COG5: variants seen among roughly 807,000 people sequenced by gnomAD.
The protein encoded by COG5 is component of oligomeric golgi complex 5.
COG5 carries 86 observed loss-of-function variants against 110.4 expected under a neutral mutation model. That is an observed-to-expected ratio of 0.78 (90% CI 0.65 to 0.93). The LOEUF is 0.93. COG5 is among the 40% of genes least tolerant of loss of function. COG5 has a pLI of 0.00. For synonymous variants in COG5, 360 were observed against 334.6 expected (o/e 1.08, Z -0.83); for missense variants, 1,077 against 987.0 (o/e 1.09, Z -1.22).
chr7:107,541,423 G>A (rs1426810874), intron 5 of COG5, among the ~76,000 whole-genome samples: 1 of 143,436 alleles, frequency 7.0e-6, no homozygotes, highest in Non-Finnish European at 1.5e-5. Context: ...CTTGGGCCTG[G>A]GAGGAAGAGA....
chr7:107,451,779 T>C (rs1795357095), intron 6 of COG5, among the ~76,000 whole-genome samples: 1 of 152,222 alleles, frequency 6.6e-6, no homozygotes, highest in Admixed American at 6.5e-5. Context: ...TAGCTTATTT[T>C]ACTGTAAGAA....
chr7:107,410,266 T>C (rs921582501), intron 7 of COG5, among the ~76,000 whole-genome samples: 1 of 152,156 alleles, frequency 6.6e-6, no homozygotes, highest in Non-Finnish European at 1.5e-5. Flanking sequence ...TTCTGATGCA[T>C]GGTGAAGTTT....
intron 6 of COG5, among the ~76,000 whole-genome samples, chr7:107,414,008 G>A (rs967016277): frequency 6.6e-6 from 1 of 152,014 alleles, no homozygotes; most frequent in African/African-American, 2.4e-5. Flanking sequence ...ATAATCCCAG[G>A]CCTCAAAAGA....
intron 6 of COG5, among the ~76,000 whole-genome samples, chr7:107,448,431 A>G (rs1282291917): frequency 1.3e-5 from 2 of 152,092 alleles, no homozygotes; most frequent in Non-Finnish European, 2.9e-5. Context: ...TCATCCTTAA[A>G]ACACCATGCT....
chr7:107,554,459 G>C, intron 2 of COG5, 117 bp from the exon 3 acceptor site: 104 of 854,448 alleles, frequency 1.2e-4, no homozygotes, highest in Non-Finnish European at 8.3e-5. Flanking sequence ...AAATACAAAA[G>C]AAAAAACCAC....
At chr7:107,359,363 C>A (rs1410469166) in intron 10 of COG5, among the ~76,000 whole-genome samples, 1 of 152,194 alleles carries the variant, frequency 6.6e-6, no homozygotes, top group Non-Finnish European at 1.5e-5. Flanking sequence ...CTTTGGACAC[C>A]AACAAGCATG....
At chr7:107,362,188 A>G (rs1277781637) in intron 9 of COG5, 78 bp from the exon 10 acceptor site, 1 of 1,325,972 alleles carries the variant, frequency 7.5e-7, no homozygotes, top group Non-Finnish European at 1.1e-6. Flanking sequence ...GTACATTATC[A>G]TCAGCTAGTG....
intron 6 of COG5, among the ~76,000 whole-genome samples, chr7:107,427,173 T>C (rs1341593687): frequency 2.0e-5 from 3 of 152,194 alleles, no homozygotes; most frequent in Admixed American, 2.0e-4. Context: ...GCTATATAGA[T>C]AGACCACACT....
intron 8 of COG5, among the ~76,000 whole-genome samples, chr7:107,363,227 T>C (rs1813282534): frequency 6.6e-6 from 1 of 152,218 alleles, no homozygotes; most frequent in Admixed American, 6.5e-5. Context: ...TTTTGATTTC[T>C]AAGACCATTC....
chr7:107,526,321 G>T (rs947258684), intron 6 of COG5, among the ~76,000 whole-genome samples: 2 of 152,094 alleles, frequency 1.3e-5, no homozygotes, highest in Non-Finnish European at 2.9e-5. Context: ...CATTAAAAGT[G>T]TTGGGCAGTT....
At chr7:107,351,691 C>G (rs1336711560) in intron 10 of COG5, among the ~76,000 whole-genome samples, 1 of 151,968 alleles carries the variant, frequency 6.6e-6, no homozygotes, top group Non-Finnish European at 1.5e-5. Context: ...ATTTATGCAG[C>G]CAAAAGACAC....
chr7:107,257,666 G>C (rs893292245), intron 15 of COG5, among the ~76,000 whole-genome samples: 7 of 152,102 alleles, frequency 4.6e-5, no homozygotes, highest in Non-Finnish European at 1.0e-4. Flanking sequence ...AGATGGACTT[G>C]AAAGTGTTGC....
At chr7:107,466,118 T>C (rs1463526094) in intron 6 of COG5, among the ~76,000 whole-genome samples, 1 of 152,106 alleles carries the variant, frequency 6.6e-6, no homozygotes, top group Non-Finnish European at 1.5e-5. Context: ...ATTTGTGTAG[T>C]TCCTTGATGA....
intron 12 of COG5, among the ~76,000 whole-genome samples, chr7:107,284,902 T>A (rs924952485): frequency 2.0e-5 from 3 of 152,184 alleles, no homozygotes; most frequent in African/African-American, 7.2e-5. Context: ...TTTTCCTTCA[T>A]CTAAAAAGTT....
intron 6 of COG5, among the ~76,000 whole-genome samples, chr7:107,507,758 T>C (rs1245356545): frequency 2.0e-5 from 3 of 152,158 alleles, no homozygotes; most frequent in Admixed American, 2.0e-4. Context: ...CGTTTGCCTA[T>C]AAGTATTGTT....
intron 12 of COG5, among the ~76,000 whole-genome samples, chr7:107,290,995 C>T (rs1806121314): frequency 6.6e-6 from 1 of 152,084 alleles, no homozygotes; most frequent in African/African-American, 2.4e-5. Context: ...AGGGTTTTGT[C>T]CCTGACTTTT....
At chr7:107,436,390 C>A (rs1274964111) in intron 6 of COG5, among the ~76,000 whole-genome samples, 1 of 152,058 alleles carries the variant, frequency 6.6e-6, no homozygotes, top group Non-Finnish European at 1.5e-5. Context: ...ATGTGAGGTA[C>A]CTGGAGTAGT....
At chr7:107,525,250 C>T (rs868293191) in intron 6 of COG5, among the ~76,000 whole-genome samples, 20 of 147,642 alleles carry the variant, frequency 1.4e-4, no homozygotes, top group Admixed American at 4.1e-4. Context: ...TTTTTTTTTT[C>T]GAAGACATGA....
At chr7:107,213,959 A>G (rs1182887836) in intron 19 of COG5, among the ~76,000 whole-genome samples, 1 of 152,210 alleles carries the variant, frequency 6.6e-6, no homozygotes, top group East Asian at 1.9e-4. Flanking sequence ...CAAAAAATAC[A>G]CAACAATCCT....
Sources: allele counts gnomAD v4.1 joint callset (sites outside exome capture counted in the v4.1 genomes callset), GRCh38; gene constraint gnomAD v4.1.1; transcripts MANE v1.5; gene names NCBI Gene and HGNC (gene_info 2026-07-23, HGNC 2026-07-21).